CD109: variants seen among roughly 807,000 people sequenced by gnomAD.
CD109 encodes the protein CD109 antigen.
A neutral mutation model predicts 165.8 loss-of-function variants in CD109; 149 were observed. That is an observed-to-expected ratio of 0.90 (90% CI 0.79 to 1.03). The LOEUF (loss-of-function observed/expected upper bound fraction) is 1.03, where lower values mean the gene tolerates loss of function less well. Among genes scored for constraint, CD109 ranks in the 50% least tolerant of loss-of-function variants. CD109 has a pLI of 0.00. For missense variants in CD109, 1,712 were observed against 1,677.8 expected, an observed-to-expected ratio of 1.02 and a Z score of -0.36; for synonymous variants, 585 against 592.1, an observed-to-expected ratio of 0.99 and a Z score of 0.18.
chr6:73,771,400 A>G (rs779719876), intron 14 of CD109, 29 bp from the exon 15 acceptor site: 5 of 1,572,096 alleles, frequency 3.2e-6, no homozygotes, highest in South Asian at 2.4e-5. Context: ...AAAGTGAAAT[A>G]AGTTAATCCT....
At chr6:73,763,430 A>G (rs1010975284) in intron 9 of CD109, 146 bp from the exon 10 acceptor site, 9 of 517,442 alleles carry the variant, frequency 1.7e-5, no homozygotes, top group Non-Finnish European at 3.1e-5. Flanking sequence ...TGGTGCTTGT[A>G]GTGTCAAAGT....
At chr6:73,740,464 C>G (rs949533716) in intron 5 of CD109, among the ~76,000 whole-genome samples, 1 of 151,972 alleles carries the variant, frequency 6.6e-6, no homozygotes, top group Non-Finnish European at 1.5e-5. Flanking sequence ...TTTATGATAC[C>G]GTGTTAACCT....
chr6:73,679,784 G>T, the CD109 span, among the ~76,000 whole-genome samples: 10 of 152,024 alleles, frequency 6.6e-5, no homozygotes, highest in African/African-American at 2.2e-4. Flanking sequence ...ATAGGCACGA[G>T]CCACCATGCC....
chr6:73,799,274 GT>G (rs1775279523), intron 23 of CD109, among the ~76,000 whole-genome samples: 1 of 152,090 alleles, frequency 6.6e-6, no homozygotes, highest in Non-Finnish European at 1.5e-5. Context: ...TTTTGTTTAT[GT>G]TTTGAACATG....
At chr6:73,757,588 C>T (rs1438204976) in intron 6 of CD109, among the ~76,000 whole-genome samples, 5 of 152,074 alleles carry the variant, frequency 3.3e-5, no homozygotes, top group South Asian at 2.1e-4. Flanking sequence ...TCTCCAGTAG[C>T]GGGGCCACTT....
At chr6:73,798,013 G>A (rs1183046262) in intron 23 of CD109, among the ~76,000 whole-genome samples, 4 of 151,892 alleles carry the variant, frequency 2.6e-5, no homozygotes, top group East Asian at 3.9e-4. Context: ...TGCTTTTCTC[G>A]TCTGTTGTGA....
intron 28 of CD109, among the ~76,000 whole-genome samples, chr6:73,811,503 T>C (rs1184312671): frequency 6.6e-6 from 1 of 152,166 alleles, no homozygotes; most frequent in Non-Finnish European, 1.5e-5. Flanking sequence ...ATCCCCATCA[T>C]ACATATGATA....
chr6:73,701,576 G>C (rs888020802), intron 2 of CD109, among the ~76,000 whole-genome samples: 1 of 152,078 alleles, frequency 6.6e-6, no homozygotes, highest in Non-Finnish European at 1.5e-5. Flanking sequence ...CCTCTCATCT[G>C]TTAAGGCATA....
At chr6:73,799,312 C>G (rs1227682861) in intron 23 of CD109, among the ~76,000 whole-genome samples, 1 of 152,146 alleles carries the variant, frequency 6.6e-6, no homozygotes, top group African/African-American at 2.4e-5. Context: ...TTCCAAAAGA[C>G]AAACTTATTT....
intron 4 of CD109, among the ~76,000 whole-genome samples, chr6:73,732,773 T>G (rs1402655618): frequency 6.6e-6 from 1 of 152,256 alleles, no homozygotes; most frequent in Admixed American, 6.5e-5. Flanking sequence ...TACTCTGCTC[T>G]AGTATCTTCC....
chr6:73,810,836 C>G (rs1263379876), intron 27 of CD109, among the ~76,000 whole-genome samples, 156 bp from the exon 28 acceptor site: 1 of 152,134 alleles, frequency 6.6e-6, no homozygotes, highest in African/African-American at 2.4e-5. Flanking sequence ...CTGAGCCTCT[C>G]CTGTACTCTA....
chr6:73,696,539 T>C (rs983437415), intron 1 of CD109, among the ~76,000 whole-genome samples: 1 of 152,248 alleles, frequency 6.6e-6, no homozygotes, highest in African/African-American at 2.4e-5. Flanking sequence ...CATAACAACT[T>C]TCTGAAGAGA....
intron 19 of CD109, among the ~76,000 whole-genome samples, chr6:73,784,782 A>G (rs1415830040): frequency 6.6e-6 from 1 of 152,180 alleles, no homozygotes; most frequent in African/African-American, 2.4e-5. Context: ...TCTCATCTGT[A>G]TGTAAAAATA....
intron 3 of CD109, among the ~76,000 whole-genome samples, chr6:73,725,671 G>C (rs1441913974): frequency 6.6e-6 from 1 of 151,908 alleles, no homozygotes; most frequent in Non-Finnish European, 1.5e-5. Flanking sequence ...ACCATGCCCA[G>C]CTAATTTTTT....
chr6:73,791,192 CATATAT>C (rs58117133), intron 22 of CD109, among the ~76,000 whole-genome samples: 4,391 of 69,120 alleles, frequency 0.064, 521 homozygotes, highest in East Asian at 0.25. Context: ...CACACACATA[CATATAT>C]ATATATATAT....
At chr6:73,697,067 T>C (rs945665924) in intron 1 of CD109, among the ~76,000 whole-genome samples, 3 of 152,254 alleles carry the variant, frequency 2.0e-5, no homozygotes, top group Non-Finnish European at 2.9e-5. Flanking sequence ...TAGAGACTTT[T>C]GCTTTGCCAA....
At chr6:73,770,240 A>G (rs1442791360) in intron 14 of CD109, among the ~76,000 whole-genome samples, 2 of 152,186 alleles carry the variant, frequency 1.3e-5, no homozygotes, top group African/African-American at 4.8e-5. Flanking sequence ...CTGGGAAAAG[A>G]TTTACATCTC....
intron 2 of CD109, among the ~76,000 whole-genome samples, chr6:73,701,005 G>A (rs1276626950): frequency 6.6e-6 from 1 of 150,908 alleles, no homozygotes; most frequent in Non-Finnish European, 1.5e-5. Flanking sequence ...GTTTCACTGT[G>A]TTAGCCAGGT....
chr6:73,736,462 C>T lies in CD109; in HGVS notation c.587C>T (p.Ser196Phe). 6.2e-7 allele frequency: 1 copy of T among 1,613,766 alleles called. No individual in the cohort carries two copies. The highest frequency in any genetic ancestry group is 8.5e-7 in the Non-Finnish European group (1 of 1,179,784). Reference sequence around the variant, plus strand: ...GTCATTTCCAAAACTTTTCAGCTATCTTCCCATCCAATACTTGGTGACTGG... The same window carrying T: ...GTCATTTCCAAAACTTTTCAGCTATTTTCCCATCCAATACTTGGTGACTGG... ...LGVISKTFQL[S>F]SHPILGDWSI... The change falls in exon 5 of 33, where the codon TCT (serine) becomes TTT (phenylalanine). Residue 196 changes from serine to phenylalanine, a missense_variant. Physicochemically the swap from Ser to Phe is radical, Grantham distance 155. Coordinates refer to ENST00000287097, the MANE Select transcript of CD109 (RefSeq NM_133493.5).
Sources: gnomAD v4.1 joint callset for allele counts (sites outside exome capture counted in the v4.1 genomes callset) on GRCh38, gnomAD v4.1.1 for gene constraint, MANE v1.5 for transcripts, NCBI Gene and HGNC (gene_info 2026-07-23, HGNC 2026-07-21) for gene names.